GRHPR: variants seen among roughly 807,000 people sequenced by gnomAD.
GRHPR encodes glyoxylate and hydroxypyruvate reductase.
Under a neutral mutation model 36.8 loss-of-function variants are expected in GRHPR, and 35 were observed. The observed-to-expected ratio is 0.95, with a 90% CI of 0.73 to 1.26. The LOEUF is 1.26. Among genes scored for constraint, GRHPR ranks in the 50% most tolerant of loss-of-function variants. The pLI is 0.00. For missense variants in GRHPR, 380 were observed against 435.0 expected, an observed-to-expected ratio of 0.87 and a Z score of 1.12; for synonymous variants, 179 against 181.0, an observed-to-expected ratio of 0.99 and a Z score of 0.09.
At chr9:37,426,455 AG>A in intron 3 of GRHPR, 82 bp from the exon 4 acceptor site, 1 of 946,730 alleles carries the variant, frequency 1.1e-6, no homozygotes, top group Non-Finnish European at 1.8e-6. Flanking sequence ...GAGGGAGCAA[AG>A]TAACTCCATG....
In GRHPR at chr9:37,431,637, G is replaced by T. The variant is rs1454646548; in HGVS notation, c.735-371G>T. Reference sequence around the variant, plus strand: ...AACCAGATCAGAAACACTTGGATGGGGCCTAACACAGATGCCCTTCTGGGC... The same window carrying T: ...AACCAGATCAGAAACACTTGGATGGTGCCTAACACAGATGCCCTTCTGGGC... On this transcript the variant is annotated intron_variant, in intron 7 of 8. Coordinates refer to ENST00000318158, the MANE Select transcript of GRHPR (RefSeq NM_012203.2). 3 of 300,930 alleles carry T rather than the reference G, an allele frequency of 1.0e-5. No individual in the cohort carries two copies. In the East Asian group the frequency reaches 2.6e-4, roughly 26 times the overall value. The allele number at this position is 300,930 out of a possible 1,614,324, so 18.6% of individuals were successfully genotyped here.
Position 37,426,533 on chromosome 9 carries a change from CGTA to C in GRHPR, c.288-2_288del, listed in dbSNP as rs796052081. 6 of 1,569,798 alleles carry C rather than the reference CGTA, an allele frequency of 3.8e-6. No individual in the cohort carries two copies. The highest frequency in any genetic ancestry group is 1.3e-5 in the African/African-American group (1 of 74,220). On this transcript the variant is annotated splice_acceptor_variant and splice_polypyrimidine_tract_variant and intron_variant, in intron 3 of 8. Transcript: ENST00000318158. LOFTEE classifies it high-confidence loss of function. Reference sequence around the variant, plus strand: ...TGATGTTACCACCAGATGTCTGATTCGTAGTGGGATCCGAGTTGGCTACACCCC... The same window carrying C: ...TGATGTTACCACCAGATGTCTGATTCGTGGGATCCGAGTTGGCTACACCCC...
chr9:37,422,823 C>A lies in GRHPR; in HGVS notation c.73C>A (p.Arg25=). The A allele has an allele frequency of 1.3e-6, 2 of 1,597,336 alleles. No homozygotes were observed. Among genetic ancestry groups the A allele is most frequent in the Non-Finnish European group, 8.5e-7 (1 of 1,173,258 alleles). Residue 25 remains arginine (R), a synonymous_variant, in exon 1 of 9, where the codon CGG becomes AGG. Coordinates refer to ENST00000318158, the MANE Select transcript of GRHPR (RefSeq NM_012203.2). ...CGCCGAGGGTAGGGTCGCGCTCGCCCGGGCGGCAGAGTAAGAGCCTCGCGC... is the reference window on the plus strand; with the variant it reads ...CGCCGAGGGTAGGGTCGCGCTCGCCAGGGCGGCAGAGTAAGAGCCTCGCGC... ...IPAEGRVALA[R]AADCEVEQWD...
Position 37,424,868 on chromosome 9 carries a change from C to A in GRHPR, c.107C>A (p.Ser36Ter), listed in dbSNP as rs768530117. 1 of 1,613,330 alleles carries A rather than the reference C, an allele frequency of 6.2e-7. No homozygotes were observed. Among genetic ancestry groups the A allele is most frequent in the South Asian group, 1.1e-5 (1 of 91,068 alleles). Residue 36 changes from serine (S) to a stop codon, truncating the protein, a stop_gained, in exon 2 of 9, where the codon TCG becomes TAG. Coordinates refer to ENST00000318158, the MANE Select transcript of GRHPR (RefSeq NM_012203.2). LOFTEE classifies it high-confidence loss of function. ...AGCTGTGAGGTGGAGCAGTGGGACT[C>A]GGATGAGCCCATCCCTGCCAAGGAG... ...AADCEVEQWD[S>*]DEPIPAKELE...
intron 2 of GRHPR, 70 bp downstream of exon 2, chr9:37,425,045 C>G (rs1045936817): frequency 6.8e-7 from 1 of 1,473,312 alleles, no homozygotes; most frequent in African/African-American, 1.4e-5. Context: ...GTGCTGCTGG[C>G]TCCTGGCTGC....
intron 4 of GRHPR, among the ~76,000 whole-genome samples, chr9:37,427,240 G>A (rs1051812863): frequency 2.6e-5 from 4 of 152,140 alleles, no homozygotes; most frequent in East Asian, 3.9e-4. Flanking sequence ...GCAGGTGGGC[G>A]TCCGCTTGAG....
At chr9:37,430,944 T>G (rs778041529) in intron 7 of GRHPR, 3 of 536,348 alleles carry the variant, frequency 5.6e-6, no homozygotes, top group Non-Finnish European at 1.1e-5. Context: ...TGCAGGCCCA[T>G]TATCCTCCAC....
At chr9:37,432,800 G>A (rs1823435683) in intron 8 of GRHPR, 1 of 154,886 alleles carries the variant, frequency 6.5e-6, no homozygotes, top group Admixed American at 6.3e-5. Context: ...AATTAAAAGT[G>A]TAATGACAAT....
At chr9:37,434,421 C>G in intron 8 of GRHPR, 1 of 543,118 alleles carries the variant, frequency 1.8e-6, no homozygotes, top group Non-Finnish European at 3.3e-6. Flanking sequence ...GTCAAGGGGT[C>G]AGACTGTGTA....
chr9:37,428,967 G>A, intron 5 of GRHPR: 1 of 359,894 alleles, frequency 2.8e-6, no homozygotes, highest in Non-Finnish European at 5.4e-6. Flanking sequence ...TCGGGCCGGA[G>A]GGCTCAGTGG....
In GRHPR at chr9:37,436,652, C is replaced by CT. The variant is rs1823671864; in HGVS notation, c.866-9_866-8insT. The CT allele has an allele frequency of 3.1e-6, 5 of 1,613,606 alleles. No homozygotes were observed. The highest frequency in any genetic ancestry group is 3.3e-5 in the Admixed American group (2 of 59,980). On this transcript the variant is annotated splice_polypyrimidine_tract_variant and intron_variant, in intron 8 of 8. Transcript: ENST00000318158. Reference sequence around the variant, plus strand: ...CTTATCTCCCTCTCTCTCTCTCTCTCCTTTCCAGTGATTCTGCCCCACATT... The same window carrying CT: ...CTTATCTCCCTCTCTCTCTCTCTCTCTCTTTCCAGTGATTCTGCCCCACATT...
chr9:37,439,077 A>AT (rs1310461513), downstream of GRHPR: 1 of 152,278 alleles, frequency 6.6e-6, no homozygotes, highest in Non-Finnish European at 1.5e-5. Context: ...TAAGAAAGCT[A>AT]TATAAAACAT....
chr9:37,428,491 T>A lies in GRHPR; in HGVS notation c.412T>A (p.Trp138Arg). 6 of 1,608,798 alleles carry A rather than the reference T, an allele frequency of 3.7e-6. No individual in the cohort carries two copies. The highest frequency in any genetic ancestry group is 5.1e-6 in the Non-Finnish European group (6 of 1,175,860). ...CCCTCTCTCTCCCCTCAGTGGTGGC[T>A]GGACCTCGTGGAAGCCCCTCTGGCT... The part of the protein sequence containing the change: ...EAIEEVKNGG[W>R]TSWKPLWLCG... The change falls in exon 5 of 9, where the codon TGG (tryptophan) becomes AGG (arginine). Residue 138 changes from tryptophan to arginine, a missense_variant. Coordinates refer to ENST00000318158, the MANE Select transcript of GRHPR (RefSeq NM_012203.2).
chr9:37,426,648 T>C lies in GRHPR; in HGVS notation c.398T>C (p.Val133Ala), dbSNP rs1206718042. 1.9e-6 allele frequency: 3 copies of C among 1,597,234 alleles called. No homozygotes were observed. Among genetic ancestry groups the C allele is most frequent in the Non-Finnish European group, 2.6e-6 (3 of 1,164,950 alleles). The change falls in exon 4 of 9, where the codon GTG (valine) becomes GCG (alanine). Residue 133 changes from valine to alanine, a missense_variant. Physicochemically the swap from Val to Ala is moderately conservative, Grantham distance 64 (BLOSUM62 0). Coordinates refer to ENST00000318158, the MANE Select transcript of GRHPR (RefSeq NM_012203.2). Reference protein sequence around the residue: ...CRRLPEAIEEVKNGGWTSWKP... With the variant: ...CRRLPEAIEEAKNGGWTSWKP... The stretch of plus-strand genomic sequence containing the variant: ...CGGTTGCCGGAGGCCATCGAGGAAG[T>C]GAAGAAGTAAGTGAACGCAGACCAG...
At chr9:37,426,498 T>C (rs1435414326) in intron 3 of GRHPR, 40 bp from the exon 4 acceptor site, 1 of 1,234,836 alleles carries the variant, frequency 8.1e-7, no homozygotes, top group East Asian at 2.3e-5. Context: ...TTGGTAAATA[T>C]GGTTGAGGCT....
chr9:37,428,984 T>G lies in GRHPR; in HGVS notation c.493+412T>G, dbSNP rs111864796. The G allele has an allele frequency of 8.8e-4, 309 of 352,272 alleles. 3 individuals are homozygous for G. The highest frequency in any genetic ancestry group is 6.1e-3 in the African/African-American group (289 of 47,052). 21.8% of individuals were successfully genotyped at this position (352,272 alleles called of 1,614,324 possible). A position where few individuals can be genotyped will look rare whatever the true frequency, so the allele number is the denominator to read the frequency against. On this transcript the variant is annotated intron_variant, in intron 5 of 8. Transcript: ENST00000318158. ...GGGCCGGAGGGCTCAGTGGGCAGAG[T>G]TGATCTGCAGTTCTGCAGATGAGGC...
chr9:37,426,478 G>A, intron 3 of GRHPR, 60 bp from the exon 4 acceptor site: 1 of 1,052,700 alleles, frequency 9.5e-7, no homozygotes, highest in Non-Finnish European at 1.5e-6. Flanking sequence ...AAATGTCCCA[G>A]CAGTAGACAT....
At chr9:37,431,983 C>G in intron 7 of GRHPR, 25 bp from the exon 8 acceptor site, 2 of 1,613,422 alleles carry the variant, frequency 1.2e-6, no homozygotes, top group East Asian at 2.2e-5. Flanking sequence ...CTTCGGGGTA[C>G]CCATGTCACC....
rs1436120940 is a variant in GRHPR at position 37,436,896 on chromosome 9, G to C, written c.*114G>C. The C allele has an allele frequency of 8.6e-7, 1 of 1,169,016 alleles. No individual in the cohort carries two copies. The highest frequency in any genetic ancestry group is 1.5e-5 in the African/African-American group (1 of 66,442). The allele number at this position is 1,169,016 out of a possible 1,614,324, so 72.4% of individuals were successfully genotyped here. ...CCAAGGGAAGGTGTGATTCTCTGAGGAAAGAGTGATTCTGATATATGTACT... is the reference window on the plus strand; with the variant it reads ...CCAAGGGAAGGTGTGATTCTCTGAGCAAAGAGTGATTCTGATATATGTACT... On this transcript the variant is annotated 3_prime_UTR_variant, in exon 9 of 9. Transcript: ENST00000318158.
Sources: allele counts gnomAD v4.1 joint callset (sites outside exome capture counted in the v4.1 genomes callset), GRCh38; gene constraint gnomAD v4.1.1; transcripts MANE v1.5; gene names NCBI Gene and HGNC (gene_info 2026-07-23, HGNC 2026-07-21).